Variants in C1D observed in about 807,000 individuals in gnomAD.
C1D encodes C1D nuclear receptor corepressor.
Under a neutral mutation model 17.5 loss-of-function variants are expected in C1D, and 10 were observed. The observed-to-expected ratio is 0.57, with a 90% CI of 0.35 to 0.97. The LOEUF (loss-of-function observed/expected upper bound fraction) is 0.97, where lower values mean the gene tolerates loss of function less well. Ranked by LOEUF, C1D falls within the 50% of genes least tolerant of loss-of-function variation. The pLI, the probability that C1D is intolerant of heterozygous loss-of-function variation, is 0.01. For missense variants in C1D, 136 were observed against 160.1 expected, an observed-to-expected ratio of 0.85 and a Z score of 0.81; for synonymous variants, 49 against 54.0, an observed-to-expected ratio of 0.91 and a Z score of 0.40.
chr2:68,052,851 T>TA (rs1671329006), intron 1 of C1D, among the ~76,000 whole-genome samples: 1 of 152,160 alleles, frequency 6.6e-6, no homozygotes, highest in African/African-American at 2.4e-5. Context: ...TCTGTCCCCT[T>TA]AGCTACTCTG....
At chr2:68,062,660 G>A (rs533926914) in intron 1 of C1D, among the ~76,000 whole-genome samples, 1 of 152,118 alleles carries the variant, frequency 6.6e-6, no homozygotes, top group Non-Finnish European at 1.5e-5. Flanking sequence ...CGTCTTCCAA[G>A]ATTTGAGAAG....
At position 68,042,521 on chromosome 2, in the gene C1D, A is replaced by G. The variant is rs1670987560; in HGVS notation, c.*368T>C. The stretch of plus-strand genomic sequence containing the variant: ...ATGTACCTATAATTTCAGCCTACAG[A>G]TAGCATACTTCATAAGGTCATTATT... On this transcript the variant is annotated 3_prime_UTR_variant, in exon 5 of 5. Transcript: ENST00000410067. 1 of 159,804 alleles carries G rather than the reference A, an allele frequency of 6.3e-6. No homozygotes were observed. The highest frequency in any genetic ancestry group is 6.2e-5 in the Admixed American group (1 of 16,214). The allele number at this position is 159,804 out of a possible 1,614,324, so 9.9% of individuals were successfully genotyped here. A position where few individuals can be genotyped will look rare whatever the true frequency, so the allele number is the denominator to read the frequency against.
chr2:68,053,561 G>C (rs1320723416), intron 1 of C1D, among the ~76,000 whole-genome samples: 2 of 152,098 alleles, frequency 1.3e-5, no homozygotes, highest in Admixed American at 1.3e-4. Context: ...TCCACTCCCA[G>C]TTTTAGAATA....
intron 4 of C1D, among the ~76,000 whole-genome samples, chr2:68,045,253 A>C (rs1036840232): frequency 2.6e-5 from 4 of 152,190 alleles, no homozygotes; most frequent in Admixed American, 2.0e-4. Flanking sequence ...TGTATTTCAT[A>C]TCTATATTTG....
At chr2:68,055,569 G>C (rs60861005) in intron 1 of C1D, among the ~76,000 whole-genome samples, 17,685 of 152,090 alleles carry the variant, frequency 0.12, 1,162 homozygotes, top group South Asian at 0.21. Flanking sequence ...TTTGGATCTT[G>C]ATTCAAATAA....
intron 1 of C1D, among the ~76,000 whole-genome samples, chr2:68,059,506 C>A (rs1184858974): frequency 6.6e-6 from 1 of 152,196 alleles, no homozygotes; most frequent in African/African-American, 2.4e-5. Flanking sequence ...CCTCTGCTCC[C>A]AAGGTTCTCT....
intron 1 of C1D, among the ~76,000 whole-genome samples, chr2:68,052,290 C>T (rs1036945213): frequency 1.3e-5 from 2 of 152,000 alleles, no homozygotes; most frequent in Admixed American, 6.5e-5. Flanking sequence ...TGAAAAGAGA[C>T]AAGGATTAGG....
intron 4 of C1D, among the ~76,000 whole-genome samples, chr2:68,044,602 A>G (rs372049611): frequency 4.1e-4 from 63 of 152,180 alleles, no homozygotes; most frequent in African/African-American, 1.4e-3. Flanking sequence ...CAGCTACTCG[A>G]GAGGCTGAGG....
intron 1 of C1D, among the ~76,000 whole-genome samples, chr2:68,058,114 C>T (rs565204497): frequency 1.3e-5 from 2 of 152,322 alleles, no homozygotes; most frequent in East Asian, 3.9e-4. Flanking sequence ...TCCCTGATAC[C>T]TCCTCAGCAC....
chr2:68,042,989 A>C lies in C1D; in HGVS notation c.326T>G (p.Leu109Arg), dbSNP rs1388042036. The C allele has an allele frequency of 6.2e-7, 1 of 1,611,380 alleles. No individual in the cohort carries two copies. Among genetic ancestry groups the C allele is most frequent in the Non-Finnish European group, 8.5e-7 (1 of 1,178,492 alleles). Residue 109 changes from leucine to arginine, a missense_variant, in exon 5 of 5, where the codon CTG (leucine) becomes CGG (arginine). Leu to Arg is a moderately radical substitution (Grantham distance 102). Transcript: ENST00000410067. ...EITDKKKAGK[L>R]DRGAASRFVK... ...AAATCTTGAAGCTGCACCTCTGTCC[A>C]GCTTGCCAGCCTTTTTCTTGTCTGT...
chr2:68,047,283 A>C lies in C1D; in HGVS notation c.28T>G (p.Tyr10Asp). The change falls in exon 2 of 5, where the codon TAT (tyrosine) becomes GAT (aspartate). Residue 10 changes from tyrosine (Y) to aspartate (D), a missense_variant. Transcript: ENST00000410067. MAGEEINEDYPVEIHEYLSA... is the reference protein window; with the variant it reads MAGEEINEDDPVEIHEYLSA... Reference sequence around the variant, plus strand: ...AAATACTCGTGAATTTCTACTGGATAGTCTTCATTAATTTCTTCACCTGCC... The same window carrying C: ...AAATACTCGTGAATTTCTACTGGATCGTCTTCATTAATTTCTTCACCTGCC... The C allele has an allele frequency of 6.2e-7, 1 of 1,610,890 alleles. No individual in the cohort carries two copies. Among genetic ancestry groups the C allele is most frequent in the Non-Finnish European group, 8.5e-7 (1 of 1,178,852 alleles).
At chr2:68,054,031 G>A (rs1395859670) in intron 1 of C1D, among the ~76,000 whole-genome samples, 1 of 152,036 alleles carries the variant, frequency 6.6e-6, no homozygotes, top group Non-Finnish European at 1.5e-5. Flanking sequence ...CTTCTCCTTT[G>A]ACTACATGCT....
intron 2 of C1D, chr2:68,046,631 T>C (rs573501219): frequency 4.2e-6 from 2 of 475,294 alleles, no homozygotes; most frequent in African/African-American, 4.0e-5. Context: ...CACCTTAGGG[T>C]ATCATCTTTA....
chr2:68,046,149 T>TA, intron 3 of C1D, 106 bp from the exon 4 acceptor site: 1 of 904,092 alleles, frequency 1.1e-6, no homozygotes, highest in Non-Finnish European at 1.7e-6. Context: ...TACAAACAAT[T>TA]AAACTTTAAA....
rs913187120 is a variant in C1D at position 68,062,950 on chromosome 2, A to C, written c.-10+8T>G. 6.6e-6 allele frequency: 1 copy of C among 152,216 alleles called. No homozygotes were observed. Among genetic ancestry groups the C allele is most frequent in the Non-Finnish European group, 1.5e-5 (1 of 68,068 alleles). 9.4% of individuals were successfully genotyped at this position (152,216 alleles called of 1,614,324 possible). A position where few individuals can be genotyped will look rare whatever the true frequency, so the allele number is the denominator to read the frequency against. On this transcript the variant is annotated splice_region_variant and intron_variant, in intron 1 of 4. Coordinates refer to ENST00000410067, the MANE Select transcript of C1D (RefSeq NM_173177.3). Reference sequence around the variant, plus strand: ...GAGAAAAACTGAAACTACACCTTAGAAAAATACCTCACGGCCTTCGACTCC... The same window carrying C: ...GAGAAAAACTGAAACTACACCTTAGCAAAATACCTCACGGCCTTCGACTCC...
In C1D at chr2:68,042,841, G is replaced by GGGGT. The variant is rs1671003198; in HGVS notation, c.*47_*48insACCC. ...AGAATTATTTTGCGGGGGGGGGGGG[G>GGGGT]GGGGGGAAGATGTACTTTTTGAATA... is the stretch of plus-strand genomic sequence containing the variant. On this transcript the variant is annotated 3_prime_UTR_variant, in exon 5 of 5. Transcript: ENST00000410067. 2.7e-6 allele frequency: 1 copy of GGGGT among 368,392 alleles called. No homozygotes were observed. Among genetic ancestry groups the GGGGT allele is most frequent in the East Asian group, 4.9e-5 (1 of 20,278 alleles). The allele number at this position is 368,392 out of a possible 1,614,324, so 22.8% of individuals were successfully genotyped here. A position where few individuals can be genotyped will look rare whatever the true frequency, so the allele number is the denominator to read the frequency against.
intron 4 of C1D, among the ~76,000 whole-genome samples, chr2:68,044,614 A>G (rs1671065236): frequency 6.6e-6 from 1 of 152,230 alleles, no homozygotes; most frequent in Admixed American, 6.5e-5. Context: ...AGGCTGAGGC[A>G]GGAGAATGGT....
chr2:68,042,151 T>C lies in C1D; in HGVS notation c.*738A>G, dbSNP rs1670972194. The C allele has an allele frequency of 6.6e-6, 1 of 152,122 alleles. No homozygotes were observed. Among genetic ancestry groups the C allele is most frequent in the South Asian group, 2.1e-4 (1 of 4,828 alleles). The allele number at this position is 152,122 out of a possible 1,614,324, so 9.4% of individuals were successfully genotyped here. Reference sequence around the variant, plus strand: ...TATTTGTGATGACTTCTAAAACCTATCTTCCTAATTTGGAAGGCAAATTTA... The same window carrying C: ...TATTTGTGATGACTTCTAAAACCTACCTTCCTAATTTGGAAGGCAAATTTA... On this transcript the variant is annotated 3_prime_UTR_variant, in exon 5 of 5. Coordinates refer to ENST00000410067, the MANE Select transcript of C1D (RefSeq NM_173177.3).
At chr2:68,053,749 T>C (rs1286983026) in intron 1 of C1D, among the ~76,000 whole-genome samples, 1 of 152,216 alleles carries the variant, frequency 6.6e-6, no homozygotes, top group East Asian at 1.9e-4. Flanking sequence ...CTTCCAATCC[T>C]AGAGCTGTGG....
Sources: allele counts gnomAD v4.1 joint callset (sites outside exome capture counted in the v4.1 genomes callset), GRCh38; gene constraint gnomAD v4.1.1; transcripts MANE v1.5; gene names NCBI Gene and HGNC (gene_info 2026-07-23, HGNC 2026-07-21).